The following PTPRF variants were observed in gnomAD, a reference collection of about 807,000 sequenced individuals.
The protein encoded by PTPRF is protein tyrosine phosphatase receptor type F.
Under a neutral mutation model 201.8 loss-of-function variants are expected in PTPRF, and 59 were observed. That is an observed-to-expected ratio of 0.29 (90% CI 0.24 to 0.36). The LOEUF is 0.36. PTPRF is among the 10% of genes least tolerant of loss of function. The pLI is 1.00. For synonymous variants in PTPRF, 1,088 were observed against 1,089.7 expected, an observed-to-expected ratio of 1.00 and a Z score of 0.03; for missense variants, 2,132 against 2,690.5, an observed-to-expected ratio of 0.79 and a Z score of 4.59.
At chr1:43,584,368 C>T (rs1387756912) in intron 7 of PTPRF, among the ~76,000 whole-genome samples, 1 of 152,206 alleles carries the variant, frequency 6.6e-6, no homozygotes, top group Non-Finnish European at 1.5e-5. Context: ...GCTCAGATAT[C>T]AGCCCTGAGC....
chr1:43,573,682 C>G (rs1192939807), intron 6 of PTPRF, among the ~76,000 whole-genome samples: 3 of 152,248 alleles, frequency 2.0e-5, no homozygotes, highest in Admixed American at 2.0e-4. Flanking sequence ...ACGAATACAC[C>G]CCTAAGGATG....
rs766098621 is a variant in PTPRF, at chr1:43,603,545, GTCAGGACGGACC to G, written c.2458+14_2458+25del. The G allele has an allele frequency of 8.9e-5, 144 of 1,613,626 alleles. No individual in the cohort carries two copies. The African/African-American group carries it at 1.8e-3, about 20-fold the overall frequency. On this transcript the variant is annotated intron_variant, in intron 15 of 33. Coordinates refer to ENST00000359947, the MANE Select transcript of PTPRF (RefSeq NM_002840.5). The surrounding 1 kb of genome is among the most constrained non-coding windows in gnomAD (Gnocchi z 5.8). ...TACAACAGGTGCAGGTGAGTGAGGG[GTCAGGACGGACC>G]TGAGGGTGGGGCAGCAGGAGGGCAG... is the stretch of plus-strand genomic sequence containing the variant.
intron 7 of PTPRF, among the ~76,000 whole-genome samples, chr1:43,586,745 C>T (rs1359319215): frequency 2.0e-5 from 3 of 152,204 alleles, no homozygotes; most frequent in Non-Finnish European, 4.4e-5. Context: ...TCTCCTCTGT[C>T]GACATCTTTG....
rs774106649 is a variant in PTPRF, at chr1:43,613,726, C to T, written c.4071+11C>T. 6.2e-7 allele frequency: 1 copy of T among 1,610,484 alleles called. No individual in the cohort carries two copies. The highest frequency in any genetic ancestry group is 8.5e-7 in the Non-Finnish European group (1 of 1,176,754). Reference sequence around the variant, plus strand: ...TCCCAGGAGTATGAGGTGAGATGTTCCCGCCCCCTACCATGTGCCTGGCCC... The same window carrying T: ...TCCCAGGAGTATGAGGTGAGATGTTTCCGCCCCCTACCATGTGCCTGGCCC... On this transcript the variant is annotated intron_variant, in intron 23 of 33. Transcript: ENST00000359947.
intron 22 of PTPRF, among the ~76,000 whole-genome samples, chr1:43,610,731 G>A (rs1227712627): frequency 6.6e-6 from 1 of 152,250 alleles, no homozygotes; most frequent in Non-Finnish European, 1.5e-5. Context: ...TTAGCCAGGT[G>A]TGTGGCCCCT....
chr1:43,559,030 T>A (rs1032603052), intron 5 of PTPRF, among the ~76,000 whole-genome samples: 37 of 152,196 alleles, frequency 2.4e-4, no homozygotes, highest in African/African-American at 8.4e-4. Flanking sequence ...TTTGGACTTC[T>A]CCTGGGGGGC....
Position 43,569,741 on chromosome 1 carries a change from T to G in PTPRF, c.531T>G (p.Pro177=), listed in dbSNP as rs745387537. Reference sequence around the variant, plus strand: ...TCAAGGACTTCCTTCCTGTAGACCCTGCCACGAGCAACGGCCGCATCAAGC... The same window carrying G: ...TCAAGGACTTCCTTCCTGTAGACCCGGCCACGAGCAACGGCCGCATCAAGC... ...SWFKDFLPVD[P]ATSNGRIKQL... is the part of the protein sequence containing the mutation. The change falls in exon 6 of 34, where the codon CCT becomes CCG. Residue 177 remains proline (P), a synonymous_variant. Coordinates refer to ENST00000359947, the MANE Select transcript of PTPRF (RefSeq NM_002840.5). 6.2e-7 allele frequency: 1 copy of G among 1,613,370 alleles called. No individual in the cohort carries two copies. Among genetic ancestry groups the G allele is most frequent in the Non-Finnish European group, 8.5e-7 (1 of 1,179,524 alleles).
intron 23 of PTPRF, among the ~76,000 whole-genome samples, chr1:43,615,721 C>T (rs1279793094): frequency 6.6e-6 from 1 of 151,948 alleles, no homozygotes; most frequent in African/African-American, 2.4e-5. Flanking sequence ...TGCCCGCTAC[C>T]ACACCCGGCT....
At chr1:43,573,655 C>T (rs1322158628) in intron 6 of PTPRF, among the ~76,000 whole-genome samples, 1 of 152,240 alleles carries the variant, frequency 6.6e-6, no homozygotes. Context: ...CCCAGAGCTC[C>T]CTGGCACCTC....
intron 11 of PTPRF, among the ~76,000 whole-genome samples, chr1:43,597,041 G>C (rs1439492296): frequency 6.6e-6 from 1 of 152,076 alleles, no homozygotes; most frequent in Non-Finnish European, 1.5e-5. Context: ...ATATGTGCGA[G>C]ACAGCCTATG....
At chr1:43,565,283 C>T (rs577847734) in intron 5 of PTPRF, among the ~76,000 whole-genome samples, 1 of 152,328 alleles carries the variant, frequency 6.6e-6, no homozygotes, top group South Asian at 2.1e-4. Flanking sequence ...ACCCCCGACC[C>T]TCCCCTCGCT....
rs376580480 is a variant in PTPRF, at chr1:43,591,184, C to T, written c.1162C>T (p.Arg388Cys). 17 of 1,611,268 alleles carry T rather than the reference C, an allele frequency of 1.1e-5. No individual in the cohort carries two copies. The highest frequency in any genetic ancestry group is 6.7e-5 in the East Asian group (3 of 44,834). The change falls in exon 9 of 34, where the codon CGC (arginine) becomes TGC (cysteine). Residue 388 changes from arginine (R) to cysteine (C), a missense_variant. This residue lies in a region of PTPRF where 351 missense variants were observed against 401.7 expected (regional missense o/e 0.87). Coordinates refer to ENST00000359947, the MANE Select transcript of PTPRF (RefSeq NM_002840.5). ...GLSPFSEYAF[R>C]VLAVNSIGRG... is the part of the protein sequence containing the mutation. ...CAGCCCTTTCTCGGAATATGCCTTC[C>T]GCGTGCTGGCGGTGAACAGCATCGG...
intron 6 of PTPRF, among the ~76,000 whole-genome samples, chr1:43,571,263 C>T (rs1026692102): frequency 1.3e-5 from 2 of 152,128 alleles, no homozygotes; most frequent in African/African-American, 4.8e-5. Flanking sequence ...TTGCGACTTC[C>T]CTCTTCCTAG....
At chr1:43,616,677 G>A (rs998484313) in intron 23 of PTPRF, among the ~76,000 whole-genome samples, 4 of 152,132 alleles carry the variant, frequency 2.6e-5, no homozygotes, top group African/African-American at 9.7e-5. Flanking sequence ...CAGCAGCAGC[G>A]CCAGGTTTGG....
intron 31 of PTPRF, 85 bp downstream of exon 31, chr1:43,620,664 C>T (rs1659001895): frequency 1.3e-6 from 2 of 1,562,694 alleles, no homozygotes; most frequent in African/African-American, 1.3e-5. Flanking sequence ...TTAGCTCAAG[C>T]TTCAGAAATC....
At chr1:43,614,458 C>A (rs1239564961) in intron 23 of PTPRF, among the ~76,000 whole-genome samples, 1 of 152,172 alleles carries the variant, frequency 6.6e-6, no homozygotes, top group African/African-American at 2.4e-5. Context: ...CTTCAAGAGT[C>A]TGAGGGTTTC....
At chr1:43,538,987 A>G (rs1381365142) in intron 2 of PTPRF, among the ~76,000 whole-genome samples, 1 of 152,212 alleles carries the variant, frequency 6.6e-6, no homozygotes, top group Non-Finnish European at 1.5e-5. Flanking sequence ...CAGAGAAGCA[A>G]TATCCATGTG....
In PTPRF at chr1:43,621,362, G is replaced by A. The variant is rs1055774025; in HGVS notation, c.5655+130G>A. On this transcript the variant is annotated intron_variant, in intron 33 of 33. Transcript: ENST00000359947. ...GCTGCCAACCTTTCACGTGGCCTGC[G>A]ATAGGCATGGTGGTGTGTGCTTATG... 31 of 1,256,252 alleles carry A rather than the reference G, an allele frequency of 2.5e-5. No individual in the cohort carries two copies. In the African/African-American group the frequency reaches 3.0e-4, roughly 12 times the overall value. 77.8% of individuals were successfully genotyped at this position (1,256,252 alleles called of 1,614,324 possible).
intron 5 of PTPRF, among the ~76,000 whole-genome samples, chr1:43,560,800 T>C (rs560961618): frequency 2.0e-5 from 3 of 152,290 alleles, no homozygotes; most frequent in Non-Finnish European, 2.9e-5. Flanking sequence ...TGCCCAGACC[T>C]GCCTGCAGGA....
Sources: allele counts gnomAD v4.1 joint callset (sites outside exome capture counted in the v4.1 genomes callset), GRCh38; gene constraint gnomAD v4.1.1; regional missense constraint gnomAD v4.1.1; non-coding constraint Gnocchi (gnomAD v3.1); transcripts MANE v1.5; gene names NCBI Gene and HGNC (gene_info 2026-07-23, HGNC 2026-07-21).